ADAMTSL1: variants seen among roughly 807,000 people sequenced by gnomAD.
ADAMTSL1 encodes the protein ADAMTS-like protein 1.
ADAMTSL1 carries 126 observed loss-of-function variants against 201.8 expected under a neutral mutation model. The observed-to-expected ratio is 0.62, with a 90% CI of 0.54 to 0.72. The LOEUF (loss-of-function observed/expected upper bound fraction) is 0.72, where lower values mean the gene tolerates loss of function less well. Ranked by LOEUF, ADAMTSL1 falls within the 30% of genes least tolerant of loss-of-function variation. The pLI is 0.00. For synonymous variants in ADAMTSL1, 1,121 were observed against 903.4 expected, an observed-to-expected ratio of 1.24 and a Z score of -4.32; for missense variants, 2,679 against 2,277.8, an observed-to-expected ratio of 1.18 and a Z score of -3.59.
intron 2 of ADAMTSL1, among the ~76,000 whole-genome samples, chr9:18,242,372 A>G (rs1476606116): frequency 6.6e-6 from 1 of 152,116 alleles, no homozygotes; most frequent in Non-Finnish European, 1.5e-5. Flanking sequence ...CAACATAATA[A>G]AGGCCATTTG....
At chr9:18,093,022 C>G (rs914335212) in intron 1 of ADAMTSL1, among the ~76,000 whole-genome samples, 2 of 152,138 alleles carry the variant, frequency 1.3e-5, no homozygotes, top group African/African-American at 4.8e-5. Context: ...TATTTTAAGA[C>G]TGACCAATGG....
chr9:18,365,069 A>G (rs1217391883), intron 2 of ADAMTSL1, among the ~76,000 whole-genome samples: 1 of 152,142 alleles, frequency 6.6e-6, no homozygotes, highest in Non-Finnish European at 1.5e-5. Flanking sequence ...AATGTACCCT[A>G]TATAGGGTCT....
chr9:17,986,386 G>A (rs563521759), intron 1 of ADAMTSL1, among the ~76,000 whole-genome samples: 1 of 152,046 alleles, frequency 6.6e-6, no homozygotes, highest in African/African-American at 2.4e-5. Context: ...AGAAGTCCAG[G>A]ACTTTTGAAG....
At chr9:18,208,473 A>G (rs1482022104) in intron 2 of ADAMTSL1, among the ~76,000 whole-genome samples, 3 of 152,156 alleles carry the variant, frequency 2.0e-5, no homozygotes, top group African/African-American at 7.2e-5. Flanking sequence ...GTGTCCAAGC[A>G]GTCATCTGGG....
chr9:18,341,038 C>G (rs1385264748), intron 2 of ADAMTSL1, among the ~76,000 whole-genome samples: 1 of 152,120 alleles, frequency 6.6e-6, no homozygotes, highest in African/African-American at 2.4e-5. Context: ...CTACAGTTTC[C>G]CAACCACTCT....
At chr9:18,121,295 A>C (rs1233119017) in intron 1 of ADAMTSL1, among the ~76,000 whole-genome samples, 1 of 152,188 alleles carries the variant, frequency 6.6e-6, no homozygotes, top group African/African-American at 2.4e-5. Flanking sequence ...CATTTTTATA[A>C]GACATTTGAA....
intron 1 of ADAMTSL1, among the ~76,000 whole-genome samples, chr9:17,960,545 G>T (rs1214241720): frequency 2.0e-5 from 3 of 152,136 alleles, no homozygotes; most frequent in African/African-American, 7.2e-5. Flanking sequence ...TTGGGTCTCA[G>T]TTTCTAGTCA....
chr9:18,794,601 G>A (rs1822261505), intron 19 of ADAMTSL1, among the ~76,000 whole-genome samples: 1 of 151,292 alleles, frequency 6.6e-6, no homozygotes, highest in Non-Finnish European at 1.5e-5. Context: ...AACCTGAACA[G>A]ATGTCTGTCT....
At chr9:18,368,383 T>A (rs184684608) in intron 2 of ADAMTSL1, among the ~76,000 whole-genome samples, 37 of 152,340 alleles carry the variant, frequency 2.4e-4, no homozygotes, top group Admixed American at 2.4e-3. Flanking sequence ...GGGCATGCCT[T>A]TGTAGAGATG....
chr9:18,644,132 T>C (rs1827626026), intron 7 of ADAMTSL1, among the ~76,000 whole-genome samples: 2 of 151,940 alleles, frequency 1.3e-5, no homozygotes, highest in African/African-American at 4.8e-5. Context: ...TTTTGGTAGG[T>C]ATTATACCTG....
intron 1 of ADAMTSL1, among the ~76,000 whole-genome samples, chr9:18,113,231 T>A (rs1825107893): frequency 6.6e-6 from 1 of 152,150 alleles, no homozygotes; most frequent in South Asian, 2.1e-4. Context: ...GTAGGCCATG[T>A]CCAGGCATTT....
At position 18,091,597 on chromosome 9, in the gene ADAMTSL1, C is replaced by T. The variant is rs538003368; in HGVS notation, c.88-72265C>T. ...CATTAGAGTCAGTGACATTTGGGTC[C>T]TGATGCCAGTTTTAACATTTAGCTG... On this transcript the variant is annotated intron_variant, in intron 1 of 29. Coordinates refer to the ADAMTSL1 transcript ENST00000680146. 2.0e-5 allele frequency among the ~76,000 whole-genome samples: 3 copies of T among 152,250 alleles called. No homozygotes were observed. The East Asian group carries it at 5.8e-4, about 29-fold the overall frequency.
chr9:18,270,905 T>C (rs1832335040), intron 2 of ADAMTSL1, among the ~76,000 whole-genome samples: 2 of 152,168 alleles, frequency 1.3e-5, no homozygotes, highest in South Asian at 4.1e-4. Context: ...TCTCTTTCCC[T>C]GTTGTTCTGA....
intron 2 of ADAMTSL1, among the ~76,000 whole-genome samples, chr9:18,516,324 G>C (rs1287788065): frequency 1.3e-5 from 2 of 152,078 alleles, no homozygotes; most frequent in Admixed American, 6.6e-5. Flanking sequence ...ATACAATGGG[G>C]GATGGACAAT....
At chr9:18,658,344 C>A (rs1424470151) in intron 8 of ADAMTSL1, among the ~76,000 whole-genome samples, 1 of 152,198 alleles carries the variant, frequency 6.6e-6, no homozygotes, top group Non-Finnish European at 1.5e-5. Flanking sequence ...AATTTGGCAG[C>A]AGTTTGGTCC....
rs557947124 is a variant in ADAMTSL1 at position 18,859,755 on chromosome 9, A to G, written c.4250-28076A>G. Among the ~76,000 whole-genome samples the G allele has an allele frequency of 2.6e-5, 4 of 152,346 alleles. No individual in the cohort carries two copies. The South Asian group carries it at 8.3e-4, about 32-fold the overall frequency. On this transcript the variant is annotated intron_variant, in intron 23 of 28. Coordinates refer to ENST00000380548, the MANE Select transcript of ADAMTSL1 (RefSeq NM_001040272.6). ...GGAAATTCACCACAGCGTAGTTTAT[A>G]TTAGTGAAAAATTGGAAACATGTAA...
chr9:18,506,779 T>G (rs1817688434), intron 2 of ADAMTSL1, among the ~76,000 whole-genome samples: 1 of 152,114 alleles, frequency 6.6e-6, no homozygotes, highest in Non-Finnish European at 1.5e-5. Flanking sequence ...AAAATATATA[T>G]TCAGTAATCT....
intron 1 of ADAMTSL1, among the ~76,000 whole-genome samples, chr9:18,114,614 T>C (rs1291896482): frequency 6.6e-6 from 1 of 152,178 alleles, no homozygotes; most frequent in African/African-American, 2.4e-5. Flanking sequence ...CTTTTGGTAT[T>C]GCTCATATAT....
intron 2 of ADAMTSL1, among the ~76,000 whole-genome samples, chr9:18,324,433 G>T (rs1262703507): frequency 1.3e-5 from 2 of 149,760 alleles, no homozygotes; most frequent in African/African-American, 4.9e-5. Context: ...TTTTTACAGG[G>T]AGCACAAACA....
Sources: allele counts gnomAD v4.1 joint callset (sites outside exome capture counted in the v4.1 genomes callset), GRCh38; gene constraint gnomAD v4.1.1; transcripts MANE v1.5; gene names NCBI Gene and HGNC (gene_info 2026-07-23, HGNC 2026-07-21).